Variants in CSRNP3 observed in about 807,000 individuals in gnomAD.
CSRNP3 encodes the protein cysteine/serine-rich nuclear protein 3.
Under a neutral mutation model 48.0 loss-of-function variants are expected in CSRNP3, and 12 were observed. The ratio of observed to expected loss-of-function variants is 0.25; its 90% confidence interval spans 0.16 to 0.41. CSRNP3 has a LOEUF of 0.41. Among genes scored for constraint, CSRNP3 ranks in the 10% least tolerant of loss-of-function variants. The probability of loss-of-function intolerance (pLI) is 1.00; values close to 1 mark genes in which losing one functional copy is unlikely to be tolerated. For missense variants in CSRNP3, 580 were observed against 724.4 expected, an observed-to-expected ratio of 0.80 and a Z score of 2.29; for synonymous variants, 263 against 269.7, an observed-to-expected ratio of 0.98 and a Z score of 0.24.
rs1291061497 is a variant in CSRNP3, at chr2:165,682,545, G to C, written c.*2792G>C. ...TTGAGTTTTTCTAACCCCAGAATCT[G>C]GTTGGGCTTTATGATCTAAAAAAAT... On this transcript the variant is annotated 3_prime_UTR_variant, in exon 7 of 7. Transcript: ENST00000651982. The C allele has an allele frequency of 6.6e-6, 1 of 152,068 alleles. No individual in the cohort carries two copies. Among genetic ancestry groups the C allele is most frequent in the Non-Finnish European group, 1.5e-5 (1 of 67,988 alleles). The allele number at this position is 152,068 out of a possible 1,614,324, so 9.4% of individuals were successfully genotyped here.
chr2:165,581,554 T>G (rs188233082), intron 3 of CSRNP3, among the ~76,000 whole-genome samples: 1 of 149,744 alleles, frequency 6.7e-6, no homozygotes, highest in African/African-American at 2.5e-5. Context: ...CACCTTTTTT[T>G]GAGACAGAGT....
rs561373757 is a variant in CSRNP3 at position 165,689,193 on chromosome 2, T to C, written c.*9440T>C. ...TTAGCTGTAGTCTTCTGTATTTATA[T>C]TTTCAGTATTTATTATGAATGACAT... On this transcript the variant is annotated 3_prime_UTR_variant, in exon 7 of 7. Transcript: ENST00000651982. 3 of 152,316 alleles carry C rather than the reference T, an allele frequency of 2.0e-5. No homozygotes were observed. The South Asian group carries it at 6.2e-4, about 32-fold the overall frequency. 9.4% of individuals were successfully genotyped at this position (152,316 alleles called of 1,614,324 possible).
At position 165,665,398 on chromosome 2, in the gene CSRNP3, A is replaced by AT. The variant is rs1156292140; in HGVS notation, c.408+7379dup. 3.3e-5 allele frequency among the ~76,000 whole-genome samples: 5 copies of AT among 152,318 alleles called. No individual in the cohort carries two copies. The East Asian group carries it at 7.7e-4, about 24-fold the overall frequency. ...ACATTCCATTTTCCACATGAAGAGC[A>AT]TAAGAAATTCTGTCAGAGTGAAAGA... is the stretch of plus-strand genomic sequence containing the variant. On this transcript the variant is annotated intron_variant, in intron 5 of 6. Transcript: ENST00000651982.
At chr2:165,475,637 G>A in intron 1 of CSRNP3, among the ~76,000 whole-genome samples, 1 of 152,158 alleles carries the variant, frequency 6.6e-6, no homozygotes, top group Non-Finnish European at 1.5e-5. Flanking sequence ...TTTGCCGATT[G>A]AATAATTAAG....
chr2:165,635,097 C>T (rs952820689), intron 4 of CSRNP3, among the ~76,000 whole-genome samples: 7 of 152,192 alleles, frequency 4.6e-5, no homozygotes, highest in African/African-American at 1.4e-4. Context: ...GATTGCTCTC[C>T]CTCTGTGAAT....
At chr2:165,612,632 G>T (rs1686158089) in intron 4 of CSRNP3, among the ~76,000 whole-genome samples, 1 of 151,664 alleles carries the variant, frequency 6.6e-6, no homozygotes, top group Admixed American at 6.6e-5. Context: ...ACTTTTATTA[G>T]CCCAAATTTT....
intron 3 of CSRNP3, among the ~76,000 whole-genome samples, chr2:165,518,295 T>C (rs1031834787): frequency 3.3e-5 from 5 of 151,986 alleles, no homozygotes; most frequent in African/African-American, 1.2e-4. Context: ...TTAGTGACTT[T>C]TTCATTTCTT....
intron 1 of CSRNP3, among the ~76,000 whole-genome samples, chr2:165,471,741 A>G (rs1307307657): frequency 1.3e-5 from 2 of 152,052 alleles, no homozygotes; most frequent in African/African-American, 4.8e-5. Flanking sequence ...ATTTCCTATC[A>G]GCCACTGGCA....
At chr2:165,510,641 A>G (rs982514204) in intron 2 of CSRNP3, among the ~76,000 whole-genome samples, 1 of 152,172 alleles carries the variant, frequency 6.6e-6, no homozygotes, top group Non-Finnish European at 1.5e-5. Context: ...TGATAATGCC[A>G]TTTCCTGATA....
intron 2 of CSRNP3, among the ~76,000 whole-genome samples, chr2:165,505,033 A>G (rs183388174): frequency 4.4e-4 from 67 of 152,266 alleles, no homozygotes; most frequent in African/African-American, 1.5e-3. Context: ...GGATTAGAGA[A>G]AAATTAACTC....
chr2:165,503,387 T>G (rs879270508), intron 2 of CSRNP3, among the ~76,000 whole-genome samples: 1 of 151,954 alleles, frequency 6.6e-6, no homozygotes, highest in African/African-American at 2.4e-5. Flanking sequence ...GTGATCATTG[T>G]TTGTGGTTTT....
At chr2:165,590,650 A>T (rs1046205287) in intron 3 of CSRNP3, among the ~76,000 whole-genome samples, 2 of 152,056 alleles carry the variant, frequency 1.3e-5, no homozygotes, top group African/African-American at 4.8e-5. Context: ...TGTTCTTGTG[A>T]TAGTGAGTGA....
At chr2:165,482,291 C>G (rs1040453751) in intron 1 of CSRNP3, among the ~76,000 whole-genome samples, 2 of 148,242 alleles carry the variant, frequency 1.3e-5, no homozygotes, top group African/African-American at 2.5e-5. Context: ...TGAGATGGAG[C>G]CTTGCTCTGT....
chr2:165,647,368 A>G (rs1250758181), intron 4 of CSRNP3, among the ~76,000 whole-genome samples: 1 of 152,214 alleles, frequency 6.6e-6, no homozygotes, highest in Admixed American at 6.5e-5. Context: ...GCAATATGAC[A>G]TGCTTACAAT....
intron 3 of CSRNP3, among the ~76,000 whole-genome samples, chr2:165,582,550 G>A (rs1483103329): frequency 2.0e-5 from 3 of 152,204 alleles, no homozygotes; most frequent in Non-Finnish European, 2.9e-5. Context: ...AGAAACTGAA[G>A]GAGCTGGAAA....
At chr2:165,607,458 TA>T (rs888132667) in intron 4 of CSRNP3, among the ~76,000 whole-genome samples, 1 of 152,134 alleles carries the variant, frequency 6.6e-6, no homozygotes, top group Non-Finnish European at 1.5e-5. Context: ...GTCTTAAAAG[TA>T]GGGACCCATA....
intron 3 of CSRNP3, among the ~76,000 whole-genome samples, chr2:165,541,853 C>A (rs185383873): frequency 6.6e-6 from 1 of 152,210 alleles, no homozygotes; most frequent in East Asian, 1.9e-4. Context: ...ATGGGGTATA[C>A]AGCCAACAAT....
intron 5 of CSRNP3, among the ~76,000 whole-genome samples, chr2:165,667,322 A>C (rs1687251806): frequency 6.6e-6 from 1 of 152,224 alleles, no homozygotes; most frequent in African/African-American, 2.4e-5. Context: ...TAATTGAAAA[A>C]TGGACACATT....
intron 4 of CSRNP3, among the ~76,000 whole-genome samples, chr2:165,644,715 C>T (rs1310969242): frequency 6.6e-6 from 1 of 152,122 alleles, no homozygotes; most frequent in Admixed American, 6.5e-5. Context: ...GACATTTGAG[C>T]TGAGTCTCAA....
Sources: allele counts gnomAD v4.1 joint callset (sites outside exome capture counted in the v4.1 genomes callset), GRCh38; gene constraint gnomAD v4.1.1; transcripts MANE v1.5; gene names NCBI Gene and HGNC (gene_info 2026-07-23, HGNC 2026-07-21).